RTN4: variants seen among roughly 807,000 people sequenced by gnomAD.
The protein encoded by RTN4 is reticulon-4.
In RTN4, 32 loss-of-function variants were observed where a neutral mutation model predicts 90.4. The ratio of observed to expected loss-of-function variants is 0.35; its 90% CI spans 0.27 to 0.48. The LOEUF is 0.48. RTN4 is among the 20% of genes least tolerant of loss of function. RTN4 has a pLI of 0.99. For synonymous variants in RTN4, 629 were observed against 552.5 expected (o/e 1.14, Z -1.94); for missense variants, 1,706 against 1,430.2 (o/e 1.19, Z -3.11).
chr2:55,100,975 A>G (rs1265627772), intron 1 of RTN4, among the ~76,000 whole-genome samples: 1 of 151,892 alleles, frequency 6.6e-6, no homozygotes, highest in Admixed American at 6.6e-5. Flanking sequence ...TTAATCACAT[A>G]TTTGTCAAGA....
At chr2:54,974,305 G>A (rs1677420455) in intron 6 of RTN4, 1 of 240,090 alleles carries the variant, frequency 4.2e-6, no homozygotes, top group South Asian at 5.9e-5. Flanking sequence ...TTGAGATGGA[G>A]TTTCACTCTT....
At chr2:55,121,956 T>C in the RTN4 span, among the ~76,000 whole-genome samples, 5 of 152,150 alleles carry the variant, frequency 3.3e-5, no homozygotes, top group Admixed American at 1.3e-4. Context: ...GCCGTATTTC[T>C]GCTAGGTGGG....
chr2:55,113,402 G>A (rs990380277), upstream of RTN4, among the ~76,000 whole-genome samples: 1 of 152,152 alleles, frequency 6.6e-6, no homozygotes, highest in Non-Finnish European at 1.5e-5. Flanking sequence ...CAACAGAGGA[G>A]GATCTCAGGT....
At chr2:55,032,935 G>T (rs1017452711) in intron 1 of RTN4, among the ~76,000 whole-genome samples, 1 of 151,834 alleles carries the variant, frequency 6.6e-6, no homozygotes, top group Non-Finnish European at 1.5e-5. Flanking sequence ...GGCTGAGATG[G>T]GAGGATCACT....
At chr2:55,032,286 C>T (rs1047214242) in intron 1 of RTN4, among the ~76,000 whole-genome samples, 4 of 152,064 alleles carry the variant, frequency 2.6e-5, no homozygotes, top group Non-Finnish European at 5.9e-5. Context: ...ACTACGTTGG[C>T]CAAGCTGGTC....
chr2:55,073,852 G>A (rs139018785), intron 2 of RTN4, among the ~76,000 whole-genome samples: 55 of 152,292 alleles, frequency 3.6e-4, no homozygotes, highest in African/African-American at 1.3e-3. Context: ...CAGACCACTC[G>A]TTGGTTGGTG....
intron 2 of RTN4, among the ~76,000 whole-genome samples, chr2:55,072,381 C>G (rs148106292): frequency 0.018 from 2,711 of 152,236 alleles, 38 homozygotes; most frequent in Middle Eastern, 0.041. Context: ...AGGTGCCCAC[C>G]ACCATGCCCA....
intron 3 of RTN4, 149 bp downstream of exon 3, chr2:55,024,936 TA>T: frequency 1.0e-6 from 1 of 981,640 alleles, no homozygotes; most frequent in Non-Finnish European, 1.5e-6. Flanking sequence ...GAAAAAGCAC[TA>T]AAACCTTTAA....
chr2:55,008,372 C>A (rs1399685856), intron 3 of RTN4, among the ~76,000 whole-genome samples: 2 of 151,884 alleles, frequency 1.3e-5, no homozygotes, highest in East Asian at 3.8e-4. Context: ...TGACAGCTTC[C>A]AACTTCTCAG....
intron 1 of RTN4, among the ~76,000 whole-genome samples, chr2:55,106,112 A>G (rs1430079878): frequency 6.6e-6 from 1 of 152,144 alleles, no homozygotes; most frequent in Non-Finnish European, 1.5e-5. Context: ...GTACTTTTTA[A>G]TATCATACTG....
At chr2:55,117,002 T>G (rs1371455336), upstream of RTN4, among the ~76,000 whole-genome samples, 1 of 151,568 alleles carries the variant, frequency 6.6e-6, no homozygotes, top group East Asian at 1.9e-4. Flanking sequence ...GCCTCCCAAG[T>G]AGCTGGGGCT....
chr2:55,071,058 G>C (rs1446160489), intron 2 of RTN4, among the ~76,000 whole-genome samples: 3 of 149,424 alleles, frequency 2.0e-5, no homozygotes, highest in Admixed American at 6.7e-5. Context: ...TTACAGGCGT[G>C]AGCCACCTCG....
chr2:54,974,723 C>T lies in RTN4; in HGVS notation c.3402G>A (p.Leu1134=). Residue 1134 remains leucine, a synonymous_variant, in exon 6 of 9, where the codon TTG becomes TTA. Coordinates refer to ENST00000337526, the MANE Select transcript of RTN4 (RefSeq NM_020532.5). ...AAATCAGTAGTGTCAGACCATTAAACAAGGCACCAACATAGGTAAATACCC... is the reference window on the plus strand; with the variant it reads ...AAATCAGTAGTGTCAGACCATTAAATAAGGCACCAACATAGGTAAATACCC... ...LMWVFTYVGA[L]FNGLTLLILA... The T allele has an allele frequency of 6.2e-7, 1 of 1,614,036 alleles. No homozygotes were observed. Among genetic ancestry groups the T allele is most frequent in the Non-Finnish European group, 8.5e-7 (1 of 1,179,898 alleles).
At chr2:55,061,172 T>G (rs1366634243) in intron 2 of RTN4, among the ~76,000 whole-genome samples, 3 of 151,512 alleles carry the variant, frequency 2.0e-5, no homozygotes, top group African/African-American at 7.3e-5. Context: ...TTCCAGCAAT[T>G]TTCCTGCCTC....
intron 1 of RTN4, among the ~76,000 whole-genome samples, chr2:55,112,277 T>C (rs1668052315): frequency 6.6e-6 from 1 of 152,184 alleles, no homozygotes; most frequent in South Asian, 2.1e-4. Context: ...TTGGCATATG[T>C]TGCCTCATCT....
chr2:55,020,757 C>T (rs371060142), intron 3 of RTN4, among the ~76,000 whole-genome samples: 4 of 152,160 alleles, frequency 2.6e-5, no homozygotes, highest in African/African-American at 9.7e-5. Flanking sequence ...CACCTGTAAT[C>T]CCAGCACTTT....
At chr2:54,983,835 G>A (rs1678338850) in intron 4 of RTN4, among the ~76,000 whole-genome samples, 1 of 152,122 alleles carries the variant, frequency 6.6e-6, no homozygotes, top group African/African-American at 2.4e-5. Flanking sequence ...ATTGCAAAAG[G>A]CATTTAACTT....
chr2:55,026,785 A>G lies in RTN4; in HGVS notation c.1314T>C (p.Ser438=). The change falls in exon 3 of 9, where the codon AGT becomes AGC. Residue 438 remains serine, a synonymous_variant. Coordinates refer to ENST00000337526, the MANE Select transcript of RTN4 (RefSeq NM_020532.5). The part of the protein sequence containing the change: ...SLEQTNHEKD[S]ESSNDDTSFP... ...AAGAAGTATCATCATTACTACTCTC[A>G]CTATCTTTTTCGTGATTAGTTTGCT... 1 of 1,613,728 alleles carries G rather than the reference A, an allele frequency of 6.2e-7. No homozygotes were observed. Among genetic ancestry groups the G allele is most frequent in the Non-Finnish European group, 8.5e-7 (1 of 1,179,832 alleles).
rs185643584 is a variant in RTN4 at position 55,047,353 on chromosome 2, T to C, written c.556+2392A>G. Among the ~76,000 whole-genome samples, 149 of 152,118 alleles carry C rather than the reference T, an allele frequency of 9.8e-4. 1 individual carries two copies. Among genetic ancestry groups the C allele is most frequent in the Admixed American group, 8.5e-4 (13 of 15,286 alleles). ...AAAAAAAAAAAAAAAAAATTCCTGT[T>C]TAAAAATATATTTCATATTTTTCTC... On this transcript the variant is annotated intron_variant, in intron 1 of 8. Coordinates refer to ENST00000337526, the MANE Select transcript of RTN4 (RefSeq NM_020532.5).
Sources: allele counts gnomAD v4.1 joint callset (sites outside exome capture counted in the v4.1 genomes callset), GRCh38; gene constraint gnomAD v4.1.1; transcripts MANE v1.5; gene names NCBI Gene and HGNC (gene_info 2026-07-23, HGNC 2026-07-21).